The following SPTBN1 variants were observed in gnomAD, a reference collection of about 807,000 sequenced individuals.
The protein encoded by SPTBN1 is spectrin beta chain, non-erythrocytic 1.
A neutral mutation model predicts 266.4 loss-of-function variants in SPTBN1; 32 were observed. The observed-to-expected ratio is 0.12, with a 90% CI of 0.09 to 0.16. SPTBN1 has a LOEUF of 0.16. Among genes scored for constraint, SPTBN1 ranks in the 10% least tolerant of loss-of-function variants. The pLI is 1.00. For missense variants in SPTBN1, 2,296 were observed against 3,067.1 expected, an observed-to-expected ratio of 0.75 and a Z score of 5.94; for synonymous variants, 1,336 against 1,162.2, an observed-to-expected ratio of 1.15 and a Z score of -3.04.
At chr2:54,667,546 G>A (rs1190526906) in intron 34 of SPTBN1, 58 bp from the exon 35 acceptor site, 16 of 1,536,304 alleles carry the variant, frequency 1.0e-5, no homozygotes, top group Non-Finnish European at 1.4e-5. Context: ...ATGGGAGTTG[G>A]GGGATTTTTA....
rs745779022 is a variant in SPTBN1, at chr2:54,649,600, C to T, written c.5203-15C>T. ...ACAGTGGGCTCTCTGATTTCCTTAC[C>T]CATCCCCGTTTCAGATGTTACAAGA... On this transcript the variant is annotated splice_polypyrimidine_tract_variant and intron_variant, in intron 25 of 35. Coordinates refer to ENST00000356805, the MANE Select transcript of SPTBN1 (RefSeq NM_003128.3). This position sits in a 1 kb window ranked among gnomAD's most constrained non-coding sequence, Gnocchi z 6.7. The T allele has an allele frequency of 1.2e-6, 2 of 1,602,068 alleles. No homozygotes were observed. The highest frequency in any genetic ancestry group is 2.2e-5 in the East Asian group (1 of 44,514).
intron 1 of SPTBN1, among the ~76,000 whole-genome samples, chr2:54,481,520 C>T (rs1200147070): frequency 1.3e-5 from 2 of 151,658 alleles, no homozygotes; most frequent in African/African-American, 4.8e-5. Flanking sequence ...TGAGGAAAAG[C>T]TTCACCAGAT....
At chr2:54,606,884 C>T (rs1676878742) in intron 3 of SPTBN1, among the ~76,000 whole-genome samples, 1 of 152,214 alleles carries the variant, frequency 6.6e-6, no homozygotes, top group African/African-American at 2.4e-5. Flanking sequence ...CCTCAAACAG[C>T]ACTTGCAGAA....
chr2:54,556,567 T>TA (rs1427456963), intron 2 of SPTBN1, among the ~76,000 whole-genome samples: 1 of 152,164 alleles, frequency 6.6e-6, no homozygotes, highest in Non-Finnish European at 1.5e-5. Context: ...GCTGGACACT[T>TA]AGAGACTTAT....
chr2:54,469,525 C>T (rs1450104408), intron 1 of SPTBN1, among the ~76,000 whole-genome samples: 1 of 152,168 alleles, frequency 6.6e-6, no homozygotes, highest in Non-Finnish European at 1.5e-5. Context: ...GTGGCCAAAG[C>T]CCATCAAGGG....
At chr2:54,557,898 C>T (rs1225558324) in intron 2 of SPTBN1, 70 of 984,790 alleles carry the variant, frequency 7.1e-5, no homozygotes, top group Middle Eastern at 5.2e-4. Flanking sequence ...CCCGGTGGCT[C>T]GCCGGGCCGC....
rs879204848 is a variant in SPTBN1, at chr2:54,657,923, A to C, written c.6120A>C (p.Leu2040=). 5 of 1,614,230 alleles carry C rather than the reference A, an allele frequency of 3.1e-6. No homozygotes were observed. The highest frequency in any genetic ancestry group is 4.2e-6 in the Non-Finnish European group (5 of 1,180,040). Residue 2040 remains leucine, a synonymous_variant, in exon 30 of 36, where the codon CTA becomes CTC. Coordinates refer to ENST00000356805, the MANE Select transcript of SPTBN1 (RefSeq NM_003128.3). ...EAWLLGQEPY[L]SSREIGQSVD... Reference sequence around the variant, plus strand: ...GGCTGCTTGGACAGGAGCCGTACCTATCCAGCCGAGAGATAGGCCAGAGCG... The same window carrying C: ...GGCTGCTTGGACAGGAGCCGTACCTCTCCAGCCGAGAGATAGGCCAGAGCG...
At chr2:54,517,633 C>CT (rs1277201479) in intron 1 of SPTBN1, among the ~76,000 whole-genome samples, 1 of 149,126 alleles carries the variant, frequency 6.7e-6, no homozygotes, top group Non-Finnish European at 1.5e-5. Context: ...CTGTATACAG[C>CT]TCTATGGTGC....
intron 19 of SPTBN1, among the ~76,000 whole-genome samples, chr2:54,643,809 C>T (rs1005873688): frequency 5.3e-5 from 8 of 152,064 alleles, no homozygotes; most frequent in African/African-American, 1.9e-4. Flanking sequence ...CATGGTGAAA[C>T]CCCATCTCTA....
At chr2:54,536,267 G>A (rs554681404) in intron 2 of SPTBN1, among the ~76,000 whole-genome samples, 28 of 152,196 alleles carry the variant, frequency 1.8e-4, no homozygotes, top group Non-Finnish European at 2.6e-4. Context: ...AAAGTTATGT[G>A]TATTTTAAAA....
At position 54,659,257 on chromosome 2, in the gene SPTBN1, A is replaced by G; in HGVS notation, c.6347A>G (p.Gln2116Arg). ...AAGGTTTCAGAGGAAGCCGAGTCCC[A>G]GCAGCAGTGGTGAGTCCCAGCAGCT... ...STKVSEEAES[Q>R]QQWDTSKGEQ... Residue 2116 changes from glutamine to arginine, a missense_variant, in exon 31 of 36, where the codon CAG becomes CGG. Physicochemically the swap from Gln to Arg is conservative, Grantham distance 43. Around this residue, in one of 12 missense-constraint regions of SPTBN1, gnomAD observed 347 missense variants for 368.5 expected, o/e 0.94. Transcript: ENST00000356805. The G allele has an allele frequency of 1.2e-6, 2 of 1,614,032 alleles. No individual in the cohort carries two copies. Among genetic ancestry groups the G allele is most frequent in the Non-Finnish European group, 8.5e-7 (1 of 1,179,956 alleles).
At chr2:54,518,360 G>A (rs1241846565) in intron 1 of SPTBN1, among the ~76,000 whole-genome samples, 3 of 151,462 alleles carry the variant, frequency 2.0e-5, no homozygotes, top group Admixed American at 6.6e-5. Flanking sequence ...AGTAAATGAC[G>A]AGGTAATGGG....
chr2:54,657,286 G>T (rs539142542), intron 29 of SPTBN1, among the ~76,000 whole-genome samples: 1 of 152,212 alleles, frequency 6.6e-6, no homozygotes, highest in South Asian at 2.1e-4. Context: ...CACAACTACC[G>T]CCCAAAAGAG....
chr2:54,485,941 A>T lies in SPTBN1; in HGVS notation c.-48+29423A>T, dbSNP rs1347750301. 9.7e-4 allele frequency among the ~76,000 whole-genome samples: 112 copies of T among 115,410 alleles called. No homozygotes were observed. In the Middle Eastern group the frequency reaches 0.034, roughly 35 times the overall value. 75.7% of individuals were successfully genotyped at this position (115,410 alleles called of 152,430 possible). A position where few individuals can be genotyped will look rare whatever the true frequency, so the allele number is the denominator to read the frequency against. On this transcript the variant is annotated intron_variant, in intron 1 of 35. Coordinates refer to ENST00000356805, the MANE Select transcript of SPTBN1 (RefSeq NM_003128.3). ...GCCGCCCCGTCTGAGAAGTGAGGAGACCCTCTGCCTGGCAACCACCCCGTC... is the reference window on the plus strand; with the variant it reads ...GCCGCCCCGTCTGAGAAGTGAGGAGTCCCTCTGCCTGGCAACCACCCCGTC...
chr2:54,648,693 G>GC (rs528264731), intron 24 of SPTBN1, among the ~76,000 whole-genome samples: 5 of 152,186 alleles, frequency 3.3e-5, no homozygotes, highest in Non-Finnish European at 7.3e-5. Flanking sequence ...AAATTCTCCT[G>GC]CCCCCACTAT....
chr2:54,571,431 C>T (rs575262101), intron 2 of SPTBN1, among the ~76,000 whole-genome samples: 5 of 152,108 alleles, frequency 3.3e-5, no homozygotes, highest in Non-Finnish European at 5.9e-5. Flanking sequence ...GGGAGTTTTC[C>T]GGTTTTAGTG....
intron 2 of SPTBN1, among the ~76,000 whole-genome samples, chr2:54,552,297 A>G (rs1428066518): frequency 6.6e-6 from 1 of 152,156 alleles, no homozygotes; most frequent in Non-Finnish European, 1.5e-5. Flanking sequence ...CTATAATAGT[A>G]TCTTTGTAGA....
rs746897447 is a variant in SPTBN1 at position 54,562,533 on chromosome 2, C to CTTTTTTTCTTTT, written c.148+35974_148+35975insCTTTTTTTTTTT. Among the ~76,000 whole-genome samples the CTTTTTTTCTTTT allele has an allele frequency of 2.5e-4, 32 of 126,816 alleles. 10 individuals carry two copies. Among genetic ancestry groups the CTTTTTTTCTTTT allele is most frequent in the Admixed American group, 3.3e-4 (4 of 12,198 alleles). 83.2% of individuals were successfully genotyped at this position (126,816 alleles called of 152,430 possible). On this transcript the variant is annotated intron_variant, in intron 2 of 35. Coordinates refer to ENST00000356805, the MANE Select transcript of SPTBN1 (RefSeq NM_003128.3). ...AAATGCTTACTTTTCTTTTCTTTTT[C>CTTTTTTTCTTTT]TTTTTTTTTTTTGAGGCAAGGTCTG...
At chr2:54,492,538 C>A (rs1021437639) in intron 1 of SPTBN1, among the ~76,000 whole-genome samples, 1 of 152,098 alleles carries the variant, frequency 6.6e-6, no homozygotes, top group Non-Finnish European at 1.5e-5. Flanking sequence ...GGACCTACTG[C>A]CCTTTGCACC....
Sources: allele counts gnomAD v4.1 joint callset (sites outside exome capture counted in the v4.1 genomes callset), GRCh38; gene constraint gnomAD v4.1.1; regional missense constraint gnomAD v4.1.1; non-coding constraint Gnocchi (gnomAD v3.1); transcripts MANE v1.5; gene names NCBI Gene and HGNC (gene_info 2026-07-23, HGNC 2026-07-21).